Variants in TSPAN9 observed in about 807,000 individuals in gnomAD.
The protein encoded by TSPAN9 is tetraspanin-9.
In TSPAN9, 16 loss-of-function variants were observed where a neutral mutation model predicts 31.0. That is an observed-to-expected ratio of 0.52 (90% confidence interval 0.35 to 0.78). The LOEUF (loss-of-function observed/expected upper bound fraction) is 0.78. Among genes scored for constraint, TSPAN9 ranks in the 30% least tolerant of loss-of-function variants. The pLI is 0.01. For missense variants in TSPAN9, 272 were observed against 312.5 expected (o/e 0.87, Z 0.98); for synonymous variants, 145 against 121.6 (o/e 1.19, Z -1.27).
chr12:3,214,630 G>C (rs983333731), intron 3 of TSPAN9, among the ~76,000 whole-genome samples: 9 of 152,092 alleles, frequency 5.9e-5, no homozygotes, highest in South Asian at 2.1e-4. Context: ...GGCAGGAGAT[G>C]GGGCCACAGC....
intron 3 of TSPAN9, among the ~76,000 whole-genome samples, chr12:3,258,438 A>G (rs1862389243): frequency 6.6e-6 from 1 of 152,126 alleles, no homozygotes; most frequent in South Asian, 2.1e-4. Context: ...GCCCTAGATT[A>G]CTGTGGGGAG....
At chr12:3,237,574 C>T (rs2098394460) in intron 3 of TSPAN9, among the ~76,000 whole-genome samples, 2 of 152,018 alleles carry the variant, frequency 1.3e-5, no homozygotes, top group African/African-American at 2.4e-5. Context: ...GGCAGGCTGC[C>T]GTGGAAGGGG....
In TSPAN9 at chr12:3,265,053, T is replaced by C. The variant is rs544965276; in HGVS notation, c.64-13368T>C. 9.2e-5 allele frequency among the ~76,000 whole-genome samples: 14 copies of C among 152,264 alleles called. No individual in the cohort carries two copies. In the South Asian group the frequency reaches 1.2e-3, roughly 14 times the overall value. The stretch of plus-strand genomic sequence containing the variant: ...CCAGCTGGCCCGGCTATTCCCAGGG[T>C]AGGACCCTGTCTCACGATCTTGTGT... On this transcript the variant is annotated intron_variant, in intron 3 of 8. Coordinates refer to ENST00000011898, the MANE Select transcript of TSPAN9 (RefSeq NM_006675.5).
At chr12:3,256,546 T>G (rs1862349120) in intron 3 of TSPAN9, among the ~76,000 whole-genome samples, 1 of 152,150 alleles carries the variant, frequency 6.6e-6, no homozygotes, top group African/African-American at 2.4e-5. Context: ...AATCGTCGAT[T>G]TCGGGAGCGG....
intron 3 of TSPAN9, among the ~76,000 whole-genome samples, chr12:3,205,774 C>A (rs1172084564): frequency 6.6e-6 from 1 of 151,292 alleles, no homozygotes; most frequent in African/African-American, 2.4e-5. Context: ...TCCTAGGGGG[C>A]TGCAACAAGT....
chr12:3,236,630 T>C (rs761440089), intron 3 of TSPAN9, among the ~76,000 whole-genome samples: 1 of 152,132 alleles, frequency 6.6e-6, no homozygotes, highest in South Asian at 2.1e-4. Context: ...GACTGCGGCT[T>C]TCTGGGGACT....
At chr12:3,233,298 G>C (rs191676681) in intron 3 of TSPAN9, among the ~76,000 whole-genome samples, 82 of 152,324 alleles carry the variant, frequency 5.4e-4, no homozygotes, top group Admixed American at 2.7e-3. Context: ...ATACATGTAA[G>C]TTACAAAGTT....
At chr12:3,089,007 C>T (rs966657000) in intron 2 of TSPAN9, among the ~76,000 whole-genome samples, 9 of 151,870 alleles carry the variant, frequency 5.9e-5, no homozygotes, top group South Asian at 2.1e-4. Flanking sequence ...CCGATGCAGG[C>T]GGATCACGAG....
intron 3 of TSPAN9, among the ~76,000 whole-genome samples, chr12:3,245,766 A>G (rs1862112713): frequency 6.6e-6 from 1 of 152,168 alleles, no homozygotes. Context: ...CATCGTCAGC[A>G]TGGATGCTGT....
intron 2 of TSPAN9, among the ~76,000 whole-genome samples, chr12:3,098,945 G>A (rs1056267093): frequency 6.6e-6 from 1 of 151,978 alleles, no homozygotes; most frequent in African/African-American, 2.4e-5. Flanking sequence ...TAAAGATGGG[G>A]TTTCACCATG....
chr12:3,244,723 C>T (rs946959023), intron 3 of TSPAN9, among the ~76,000 whole-genome samples: 2 of 152,124 alleles, frequency 1.3e-5, no homozygotes, highest in Non-Finnish European at 2.9e-5. Context: ...GTGTGAGACC[C>T]GGGTAATGGG....
At chr12:3,271,038 C>A (rs1045881924) in intron 3 of TSPAN9, among the ~76,000 whole-genome samples, 5 of 152,198 alleles carry the variant, frequency 3.3e-5, no homozygotes, top group African/African-American at 1.2e-4. Flanking sequence ...AGAATAACCC[C>A]ATTCTGGTAT....
At chr12:3,214,776 TGACACA>T (rs1182058887) in intron 3 of TSPAN9, among the ~76,000 whole-genome samples, 1 of 152,048 alleles carries the variant, frequency 6.6e-6, no homozygotes, top group Non-Finnish European at 1.5e-5. Context: ...GCACCTTGTT[TGACACA>T]CAGAACTGTC....
At chr12:3,195,992 G>C (rs1188118642) in intron 2 of TSPAN9, among the ~76,000 whole-genome samples, 1 of 152,214 alleles carries the variant, frequency 6.6e-6, no homozygotes, top group African/African-American at 2.4e-5. Context: ...AGTCGTGAGT[G>C]GGGGTAGAAG....
Position 3,101,776 on chromosome 12 carries a change from G to C in TSPAN9, c.-18+18057G>C, listed in dbSNP as rs555246922. On this transcript the variant is annotated intron_variant, in intron 2 of 8. Coordinates refer to ENST00000011898, the MANE Select transcript of TSPAN9 (RefSeq NM_006675.5). Reference sequence around the variant, plus strand: ...TGTCTCCTGTGTCTGGAGACACAGTGCCTTTGAGACAGAGGATGGCTCTGA... The same window carrying C: ...TGTCTCCTGTGTCTGGAGACACAGTCCCTTTGAGACAGAGGATGGCTCTGA... 3.9e-5 allele frequency among the ~76,000 whole-genome samples: 6 copies of C among 152,312 alleles called. No individual in the cohort carries two copies. The South Asian group carries it at 1.2e-3, about 32-fold the overall frequency.
intron 2 of TSPAN9, among the ~76,000 whole-genome samples, chr12:3,182,856 C>A (rs1171944352): frequency 6.6e-6 from 1 of 152,160 alleles, no homozygotes; most frequent in African/African-American, 2.4e-5. Flanking sequence ...GTGAGCCAGG[C>A]CACGCAGCCC....
At chr12:3,248,537 T>A (rs888937939) in intron 3 of TSPAN9, among the ~76,000 whole-genome samples, 2 of 152,198 alleles carry the variant, frequency 1.3e-5, no homozygotes, top group African/African-American at 4.8e-5. Flanking sequence ...CTATGGATTC[T>A]GATAATAACT....
chr12:3,090,823 G>T (rs1019530705), intron 2 of TSPAN9, among the ~76,000 whole-genome samples: 6 of 152,032 alleles, frequency 3.9e-5, no homozygotes, highest in African/African-American at 1.5e-4. Flanking sequence ...AGACCCCACC[G>T]ATCTTTGGAA....
intron 2 of TSPAN9, among the ~76,000 whole-genome samples, chr12:3,091,688 G>A (rs1425887232): frequency 6.6e-6 from 1 of 152,180 alleles, no homozygotes; most frequent in Admixed American, 6.5e-5. Context: ...TGGGCTTAAC[G>A]CGTTTGAAAT....
Sources: allele counts gnomAD v4.1 joint callset (sites outside exome capture counted in the v4.1 genomes callset), GRCh38; gene constraint gnomAD v4.1.1; transcripts MANE v1.5; gene names NCBI Gene and HGNC (gene_info 2026-07-23, HGNC 2026-07-21).